The following ABI1 variants were observed in gnomAD, a reference collection of about 807,000 sequenced individuals.
ABI1 encodes the protein Abelson interactor 1.
Under a neutral mutation model 54.6 loss-of-function variants are expected in ABI1, and 14 were observed. The ratio of observed to expected loss-of-function variants is 0.26; its 90% CI spans 0.17 to 0.40. The LOEUF is 0.40. Among genes scored for constraint, ABI1 ranks in the 10% least tolerant of loss-of-function variants. The pLI, the probability that ABI1 is intolerant of heterozygous loss-of-function variation, is 1.00. For missense variants in ABI1, 443 were observed against 598.3 expected (o/e 0.74, Z 2.71); for synonymous variants, 194 against 209.3 (o/e 0.93, Z 0.63).
At chr10:26,807,825 C>G (rs900028284) in intron 2 of ABI1, among the ~76,000 whole-genome samples, 1 of 152,168 alleles carries the variant, frequency 6.6e-6, no homozygotes, top group Admixed American at 6.5e-5. Flanking sequence ...GGCATGGTGG[C>G]TCACGTTTGT....
chr10:26,781,713 T>C (rs1246074980), intron 2 of ABI1, among the ~76,000 whole-genome samples: 1 of 152,188 alleles, frequency 6.6e-6, no homozygotes, highest in Non-Finnish European at 1.5e-5. Flanking sequence ...CAGAATGACA[T>C]ATTTAAGACT....
At chr10:26,858,537 GAAAAAAAAAAA>G (rs60132421) in intron 1 of ABI1, among the ~76,000 whole-genome samples, 1,276 of 94,296 alleles carry the variant, frequency 0.014, 21 homozygotes, top group African/African-American at 0.044. Flanking sequence ...CACAAAAAAA[GAAAAAAAAAAA>G]AAAAAAAAAA....
At chr10:26,798,981 G>C (rs1037538982) in intron 2 of ABI1, among the ~76,000 whole-genome samples, 2 of 151,506 alleles carry the variant, frequency 1.3e-5, no homozygotes, top group African/African-American at 4.8e-5. Context: ...AGAAAGAAAG[G>C]AGAAAAAAGA....
chr10:26,852,927 G>A (rs1180657398), intron 1 of ABI1, among the ~76,000 whole-genome samples: 2 of 152,106 alleles, frequency 1.3e-5, no homozygotes, highest in Non-Finnish European at 2.9e-5. Flanking sequence ...AATTAGCTGG[G>A]TGTGGTCCCT....
At chr10:26,755,531 G>A in intron 9 of ABI1, 124 bp downstream of exon 9, 1 of 723,140 alleles carries the variant, frequency 1.4e-6, no homozygotes. Flanking sequence ...TCAGTAACAT[G>A]TCTGCACCTA....
chr10:26,838,544 G>A (rs2049261981), intron 1 of ABI1, among the ~76,000 whole-genome samples: 1 of 152,150 alleles, frequency 6.6e-6, no homozygotes, highest in South Asian at 2.1e-4. Flanking sequence ...GCCCTTGAGA[G>A]CATTTTAGGG....
intron 1 of ABI1, among the ~76,000 whole-genome samples, chr10:26,836,818 TGTTTAA>T (rs1420217407): frequency 2.0e-5 from 3 of 152,220 alleles, no homozygotes; most frequent in Non-Finnish European, 4.4e-5. Context: ...TGCTCCTTAC[TGTTTAA>T]GTTAACTGAG....
chr10:26,770,121 T>C (rs994300487), intron 5 of ABI1, 124 bp downstream of exon 5: 1 of 690,446 alleles, frequency 1.4e-6, no homozygotes. Flanking sequence ...TAAAATGAAT[T>C]TGTAAAAGGT....
intron 1 of ABI1, among the ~76,000 whole-genome samples, chr10:26,824,596 A>G (rs1413078777): frequency 6.6e-6 from 1 of 151,848 alleles, no homozygotes; most frequent in African/African-American, 2.4e-5. Context: ...TGATCTCCAG[A>G]ATATTGCTAA....
intron 2 of ABI1, among the ~76,000 whole-genome samples, chr10:26,793,008 T>C (rs891986279): frequency 6.6e-6 from 1 of 152,176 alleles, no homozygotes; most frequent in Admixed American, 6.5e-5. Context: ...TTCCATGGAT[T>C]TTCTACAATA....
Position 26,751,741 on chromosome 10 carries a change from T to G in ABI1, c.1127A>C (p.Asp376Ala). The G allele has an allele frequency of 6.2e-7, 1 of 1,613,714 alleles. No individual in the cohort carries two copies. Residue 376 changes from aspartate (D) to alanine (A), a missense_variant, in exon 10 of 11, where the codon GAC (aspartate) becomes GCC (alanine). This residue lies in a region of ABI1 where 394 missense variants were observed against 484.8 expected (regional missense o/e 0.81). Transcript: ENST00000376140. The part of the protein sequence containing the change: ...PTPPPPPPPD[D>A]IPMFDDSPPP... ...TGGAGAGTCATCAAACATGGGAATG[T>G]CATCTGGTGGAGGTGGTGGCGGTGG...
At chr10:26,824,644 T>C (rs1340894387) in intron 1 of ABI1, among the ~76,000 whole-genome samples, 1 of 151,962 alleles carries the variant, frequency 6.6e-6, no homozygotes, top group Non-Finnish European at 1.5e-5. Context: ...GTGTATAATA[T>C]GCTACTTCTT....
Position 26,765,245 on chromosome 10 carries a change from T to C in ABI1, c.793A>G (p.Thr265Ala). 1 of 1,606,256 alleles carries C rather than the reference T, an allele frequency of 6.2e-7. No homozygotes were observed. ...SSIGIPIAVP[T>A]PSPPTIGPAA... The stretch of plus-strand genomic sequence containing the variant: ...GGTCCAATAGTGGGTGGCGAAGGTG[T>C]AGGCACAGCAATGGGAATGCCAATA... The change falls in exon 7 of 11, where the codon ACA becomes GCA. Residue 265 changes from threonine (T) to alanine (A), a missense_variant. By Grantham distance (58) the Thr-to-Ala change is moderately conservative. Transcript: ENST00000376140.
At chr10:26,854,096 C>T (rs1316210001) in intron 1 of ABI1, among the ~76,000 whole-genome samples, 1 of 152,078 alleles carries the variant, frequency 6.6e-6, no homozygotes, top group African/African-American at 2.4e-5. Context: ...ATTAGCATTC[C>T]TGAGCTATCA....
At chr10:26,839,729 T>C (rs947818720) in intron 1 of ABI1, 3 of 700,058 alleles carry the variant, frequency 4.3e-6, no homozygotes, top group African/African-American at 3.5e-5. Context: ...GGTAGGAGGA[T>C]TACCTGAGGC....
Position 26,777,094 on chromosome 10 carries a change from C to T in ABI1, c.433G>A (p.Val145Ile), listed in dbSNP as rs184667278. Residue 145 changes from valine (V) to isoleucine (I), a missense_variant, in exon 3 of 11, where the codon GTT (valine) becomes ATT (isoleucine). Around this residue, in one of 2 missense-constraint regions of ABI1, gnomAD observed 394 missense variants for 484.8 expected, o/e 0.81. Coordinates refer to ENST00000376140, the MANE Select transcript of ABI1 (RefSeq NM_001012750.3). ...RYIRKPIDYT[V>I]LDDVGHGVKW... The stretch of plus-strand genomic sequence containing the variant: ...ACACCATGGCCCACATCATCCAGAA[C>T]TGTGTAATCGATAGGTTTCCGAATA... 1.5e-4 allele frequency: 249 copies of T among 1,611,556 alleles called. 2 individuals carry two copies. The East Asian group carries it at 3.4e-3, about 22-fold the overall frequency.
At chr10:26,847,489 A>G (rs7904880) in intron 1 of ABI1, among the ~76,000 whole-genome samples, 39,016 of 151,844 alleles carry the variant, frequency 0.26, 5,711 homozygotes, top group South Asian at 0.44. Context: ...GCCAAGCGTG[A>G]TGGTGCACAC....
intron 2 of ABI1, among the ~76,000 whole-genome samples, chr10:26,800,405 T>C (rs183374349): frequency 5.3e-5 from 8 of 151,982 alleles, no homozygotes. Context: ...ACAAAACTCC[T>C]GAATCTAATC....
chr10:26,766,837 T>C (rs1437311030), intron 6 of ABI1, among the ~76,000 whole-genome samples: 2 of 152,220 alleles, frequency 1.3e-5, no homozygotes, highest in Non-Finnish European at 2.9e-5. Flanking sequence ...AGGAATAATA[T>C]TTTGTAACAC....
Sources: gnomAD v4.1 joint callset for allele counts (sites outside exome capture counted in the v4.1 genomes callset) on GRCh38, gnomAD v4.1.1 for gene constraint, gnomAD v4.1.1 regional missense constraint, MANE v1.5 for transcripts, NCBI Gene and HGNC (gene_info 2026-07-23, HGNC 2026-07-21) for gene names.